Variants in WDR41 observed in about 807,000 individuals in gnomAD.
The protein encoded by WDR41 is WD repeat domain 41, also known as WD repeat-containing protein 41.
WDR41 carries 63 observed loss-of-function variants against 69.3 expected under a neutral mutation model. That is an observed-to-expected ratio of 0.91 (90% confidence interval 0.74 to 1.12). The LOEUF is 1.12. WDR41 is among the 50% of genes most tolerant of loss of function. The probability of loss-of-function intolerance (pLI) is 0.00; values close to 1 mark genes in which losing one functional copy is unlikely to be tolerated. For missense variants in WDR41, 543 were observed against 534.5 expected (o/e 1.02, Z -0.16); for synonymous variants, 185 against 192.1 (o/e 0.96, Z 0.31).
chr5:77,463,496 A>G (rs1468577373), intron 3 of WDR41, among the ~76,000 whole-genome samples: 1 of 152,182 alleles, frequency 6.6e-6, no homozygotes, highest in Non-Finnish European at 1.5e-5. Context: ...ATTTAAAAAT[A>G]TAATTGTGTA....
intron 2 of WDR41, among the ~76,000 whole-genome samples, chr5:77,483,182 G>T (rs1801359037): frequency 6.6e-6 from 1 of 152,034 alleles, no homozygotes; most frequent in African/African-American, 2.4e-5. Context: ...CAGTCATCCA[G>T]GCTACAGTCA....
intron 1 of WDR41, among the ~76,000 whole-genome samples, chr5:77,524,397 G>A (rs1003050207): frequency 6.6e-6 from 1 of 152,138 alleles, no homozygotes; most frequent in African/African-American, 2.4e-5. Flanking sequence ...AGACCAGCCT[G>A]TGCAACATAG....
chr5:77,579,502 A>G (rs2112287782), intron 1 of WDR41, among the ~76,000 whole-genome samples: 1 of 152,288 alleles, frequency 6.6e-6, no homozygotes, highest in Non-Finnish European at 1.5e-5. Context: ...AACGGAGACC[A>G]TAAGATAGTA....
chr5:77,600,854 T>G (rs111293915), intron 1 of WDR41, among the ~76,000 whole-genome samples: 4,940 of 151,828 alleles, frequency 0.033, 90 homozygotes, highest in South Asian at 0.056. Flanking sequence ...CACTCCAGCC[T>G]GGATGGCAAA....
chr5:77,471,525 G>A (rs1178271957), intron 2 of WDR41, among the ~76,000 whole-genome samples: 2 of 151,970 alleles, frequency 1.3e-5, no homozygotes, highest in East Asian at 1.9e-4. Flanking sequence ...TTGATAGAAC[G>A]CTAGTAAGAC....
At chr5:77,545,939 G>T in intron 1 of WDR41, 1 of 498,626 alleles carries the variant, frequency 2.0e-6, no homozygotes, top group South Asian at 3.0e-5. Flanking sequence ...CTTGCAAGGT[G>T]ACAGGCCGCT....
intron 2 of WDR41, among the ~76,000 whole-genome samples, chr5:77,483,813 AGAAT>A (rs1208986698): frequency 6.6e-6 from 1 of 152,212 alleles, no homozygotes; most frequent in African/African-American, 2.4e-5. Flanking sequence ...GATTTTCAAC[AGAAT>A]GAGTTAGTTC....
At chr5:77,601,607 A>C (rs1174383846) in intron 1 of WDR41, among the ~76,000 whole-genome samples, 2 of 152,204 alleles carry the variant, frequency 1.3e-5, no homozygotes, top group African/African-American at 4.8e-5. Flanking sequence ...TTGGCACTTA[A>C]GGTGTGGGAG....
intron 1 of WDR41, among the ~76,000 whole-genome samples, chr5:77,490,969 A>C (rs186117691): frequency 6.6e-6 from 1 of 152,230 alleles, no homozygotes; most frequent in Non-Finnish European, 1.5e-5. Context: ...CTAAACAAAT[A>C]CTTCTTATGA....
intron 4 of WDR41, among the ~76,000 whole-genome samples, chr5:77,459,872 A>T (rs1205806234): frequency 6.6e-6 from 1 of 152,254 alleles, no homozygotes; most frequent in Non-Finnish European, 1.5e-5. Flanking sequence ...GACTTAAAGT[A>T]GTTATGTCCC....
chr5:77,486,060 A>C (rs936231258), intron 2 of WDR41, among the ~76,000 whole-genome samples: 12 of 152,248 alleles, frequency 7.9e-5, no homozygotes, highest in African/African-American at 2.7e-4. Context: ...CATAATGTAC[A>C]TATGCAATGG....
chr5:77,541,976 T>C (rs1315165244), intron 1 of WDR41, among the ~76,000 whole-genome samples: 1 of 152,208 alleles, frequency 6.6e-6, no homozygotes, highest in Non-Finnish European at 1.5e-5. Flanking sequence ...GACACGTATG[T>C]TCATTGCAGC....
intron 1 of WDR41, among the ~76,000 whole-genome samples, chr5:77,617,127 A>G (rs1487123246): frequency 6.6e-6 from 1 of 152,204 alleles, no homozygotes; most frequent in Non-Finnish European, 1.5e-5. Flanking sequence ...GCACTGTCCA[A>G]TAAAGCTTTT....
chr5:77,463,983 T>G (rs1800178664), intron 3 of WDR41, among the ~76,000 whole-genome samples: 1 of 152,050 alleles, frequency 6.6e-6, no homozygotes, highest in Admixed American at 6.6e-5. Flanking sequence ...AAGAATAATT[T>G]GAGTAACAAA....
chr5:77,609,190 G>A (rs1744489495), intron 1 of WDR41, among the ~76,000 whole-genome samples: 1 of 152,228 alleles, frequency 6.6e-6, no homozygotes, highest in Non-Finnish European at 1.5e-5. Flanking sequence ...GCACAAGGAG[G>A]CCTGCCTGCA....
At chr5:77,480,387 C>T (rs940192181) in intron 2 of WDR41, among the ~76,000 whole-genome samples, 10 of 152,016 alleles carry the variant, frequency 6.6e-5, no homozygotes, top group Admixed American at 1.3e-4. Context: ...ATGTTTATTG[C>T]GGCACTATTC....
chr5:77,584,466 T>G (rs914766610), intron 1 of WDR41, among the ~76,000 whole-genome samples: 20 of 152,314 alleles, frequency 1.3e-4, no homozygotes, highest in African/African-American at 4.6e-4. Flanking sequence ...GAAAGCAATT[T>G]AATTTATAAT....
chr5:77,606,806 GAAAAGAAAAGA>G lies in WDR41; in HGVS notation c.42+13662_42+13672del, dbSNP rs1414032147. Reference sequence around the variant, plus strand: ...TGGAAGAGTGAGACCCTGTCACAAAGAAAAGAAAAGAAAAAGAAAAGAAAGTTTAAAAAAAG... The same window carrying G: ...TGGAAGAGTGAGACCCTGTCACAAAGAAAAGAAAAGAAAGTTTAAAAAAAG... On this transcript the variant is annotated intron_variant, in intron 1 of 5. Transcript: ENST00000509971. 1.3e-4 allele frequency among the ~76,000 whole-genome samples: 18 copies of G among 141,892 alleles called. No individual in the cohort carries two copies. In the South Asian group the frequency reaches 1.8e-3, roughly 14 times the overall value. The allele number at this position is 141,892 out of a possible 152,430, so 93.1% of individuals were successfully genotyped here. A position where few individuals can be genotyped will look rare whatever the true frequency, so the allele number is the denominator to read the frequency against.
At chr5:77,487,678 C>A (rs1801580436) in intron 2 of WDR41, among the ~76,000 whole-genome samples, 1 of 152,072 alleles carries the variant, frequency 6.6e-6, no homozygotes, top group Non-Finnish European at 1.5e-5. Context: ...TTGGACCACA[C>A]CTAAGTTTAT....
Sources: gnomAD v4.1 joint callset for allele counts (sites outside exome capture counted in the v4.1 genomes callset) on GRCh38, gnomAD v4.1.1 for gene constraint, MANE v1.5 for transcripts, NCBI Gene and HGNC (gene_info 2026-07-23, HGNC 2026-07-21) for gene names.